Variants in EHMT1 observed in about 807,000 individuals in gnomAD.
EHMT1 encodes the protein euchromatic histone lysine methyltransferase 1.
Under a neutral mutation model 147.2 loss-of-function variants are expected in EHMT1, and 15 were observed. That is an observed-to-expected ratio of 0.10 (90% CI 0.07 to 0.16). EHMT1 has a LOEUF of 0.16. Among genes scored for constraint, EHMT1 ranks in the 10% least tolerant of loss-of-function variants. The pLI is 1.00. For synonymous variants in EHMT1, 795 were observed against 709.6 expected, an observed-to-expected ratio of 1.12 and a Z score of -1.91; for missense variants, 1,587 against 1,772.4, an observed-to-expected ratio of 0.90 and a Z score of 1.88.
At chr9:137,738,286 G>A (rs1022445138) in intron 4 of EHMT1, among the ~76,000 whole-genome samples, 8 of 151,900 alleles carry the variant, frequency 5.3e-5, no homozygotes, top group African/African-American at 1.7e-4. Context: ...TGCACAAATG[G>A]CCAGTAAGCC....
chr9:137,657,498 CT>C (rs545345887), intron 1 of EHMT1, among the ~76,000 whole-genome samples: 1,479 of 125,908 alleles, frequency 0.012, 13 homozygotes, highest in African/African-American at 0.031. Context: ...CACCTGGTTG[CT>C]TTTTTTTTTT....
In EHMT1 at chr9:137,776,419, CTGTGGGGCGAGA is replaced by C. The variant is rs1950961511; in HGVS notation, c.1792-198_1792-187del. The C allele has an allele frequency of 7.2e-6, 4 of 553,046 alleles. No individual in the cohort carries two copies. In the South Asian group the frequency reaches 7.9e-5, roughly 11 times the overall value. 34.3% of individuals were successfully genotyped at this position (553,046 alleles called of 1,614,324 possible). ...CCTCTGTCTGGCTTCAGCTTCTTCT[CTGTGGGGCGAGA>C]GCACCACGGGAAGCATCGTTCCTCC... On this transcript the variant is annotated intron_variant, in intron 11 of 26. Transcript: ENST00000460843. This position sits in a 1 kb window ranked among gnomAD's most constrained non-coding sequence, Gnocchi z 4.4.
At chr9:137,788,783 G>A (rs1371523969) in intron 15 of EHMT1, 1 of 152,216 alleles carries the variant, frequency 6.6e-6, no homozygotes, top group Admixed American at 6.5e-5. Context: ...CGGAGGGTGA[G>A]CGGCCGGCGG....
chr9:137,675,845 G>A lies in EHMT1; in HGVS notation c.22-35122G>A, dbSNP rs1326924270. Among the ~76,000 whole-genome samples, 148 of 136,190 alleles carry A rather than the reference G, an allele frequency of 1.1e-3. 2 individuals are homozygous for A. Among genetic ancestry groups the A allele is most frequent in the African/African-American group, 4.1e-3 (141 of 34,710 alleles). 89.3% of individuals were successfully genotyped at this position (136,190 alleles called of 152,430 possible). A position where few individuals can be genotyped will look rare whatever the true frequency, so the allele number is the denominator to read the frequency against. On this transcript the variant is annotated intron_variant, in intron 1 of 26. Transcript: ENST00000460843. ...GTCGCCCAGGCTGGAGTGCAGTGGC[G>A]GGATCTCGGCTCACTGCAAGCTCCG... is the stretch of plus-strand genomic sequence containing the variant.
intron 2 of EHMT1, chr9:137,715,748 C>G: frequency 1.0e-6 from 1 of 985,390 alleles, no homozygotes; most frequent in Non-Finnish European, 1.2e-6. Flanking sequence ...GAGCAGACCA[C>G]GGATGTGCTC....
chr9:137,803,728 G>A (rs1953692059), intron 18 of EHMT1, among the ~76,000 whole-genome samples: 2 of 151,924 alleles, frequency 1.3e-5, no homozygotes, highest in Admixed American at 1.3e-4. Context: ...ACACACACCT[G>A]TGGTCCCAGG....
intron 1 of EHMT1, among the ~76,000 whole-genome samples, chr9:137,695,110 G>T (rs1943290009): frequency 6.6e-6 from 1 of 152,232 alleles, no homozygotes. Flanking sequence ...TGGGGTTTTT[G>T]CAGGCAGGTG....
At chr9:137,710,859 CA>C (rs1408315670) in intron 1 of EHMT1, 107 bp from the exon 2 acceptor site, 11 of 1,251,628 alleles carry the variant, frequency 8.8e-6, no homozygotes, top group African/African-American at 1.5e-5. Context: ...TCCAGCAGCT[CA>C]TGGTGAATGT....
intron 17 of EHMT1, 172 bp from the exon 18 acceptor site, chr9:137,800,708 G>A: frequency 1.6e-6 from 1 of 636,976 alleles, no homozygotes; most frequent in Non-Finnish European, 2.8e-6. Flanking sequence ...TACCTGGGCT[G>A]TGCTCTGAGG....
rs1290304098 is a variant in EHMT1, at chr9:137,835,204, A to G, written c.*251A>G. 3 of 392,200 alleles carry G rather than the reference A, an allele frequency of 7.6e-6. No homozygotes were observed. The highest frequency in any genetic ancestry group is 2.1e-5 in the African/African-American group (1 of 46,918). 24.3% of individuals were successfully genotyped at this position (392,200 alleles called of 1,614,324 possible). A position where few individuals can be genotyped will look rare whatever the true frequency, so the allele number is the denominator to read the frequency against. Reference sequence around the variant, plus strand: ...GAGCGCACACTTTGGTCCGCGCGCCAGAGACGCTGGGAGTCCGCACTGGCA... The same window carrying G: ...GAGCGCACACTTTGGTCCGCGCGCCGGAGACGCTGGGAGTCCGCACTGGCA... On this transcript the variant is annotated 3_prime_UTR_variant, in exon 27 of 27. Transcript: ENST00000460843.
chr9:137,720,777 C>T (rs929172228), intron 3 of EHMT1, among the ~76,000 whole-genome samples: 7 of 152,130 alleles, frequency 4.6e-5, no homozygotes, highest in African/African-American at 1.7e-4. Context: ...CGGCACTCAC[C>T]CGCTGAAGGA....
rs1188577875 is a variant in EHMT1, at chr9:137,786,859, CGGTGCTG to C, written c.2383-3986_2383-3980del. 1.3e-5 allele frequency: 2 copies of C among 152,478 alleles called. No homozygotes were observed. The highest frequency in any genetic ancestry group is 4.8e-5 in the African/African-American group (2 of 41,482). The allele number at this position is 152,478 out of a possible 1,614,324, so 9.4% of individuals were successfully genotyped here. Reference sequence around the variant, plus strand: ...CCTGGAGTCCACCCCAGCCTTTCGCCGGTGCTGGGGACATCAGCGTTCTGGCTCCCAG... The same window carrying C: ...CCTGGAGTCCACCCCAGCCTTTCGCCGGGACATCAGCGTTCTGGCTCCCAG... On this transcript the variant is annotated intron_variant, in intron 15 of 26. Coordinates refer to ENST00000460843, the MANE Select transcript of EHMT1 (RefSeq NM_024757.5). The surrounding 1 kb of genome is among the most constrained non-coding windows in gnomAD (Gnocchi z 4.3).
rs1588798032 is a variant in EHMT1, at chr9:137,803,154, C to T, written c.2712+2170C>T. The T allele has an allele frequency of 4.1e-6, 5 of 1,226,490 alleles. No individual in the cohort carries two copies. The East Asian group carries it at 9.6e-5, about 23-fold the overall frequency. The allele number at this position is 1,226,490 out of a possible 1,614,324, so 76.0% of individuals were successfully genotyped here. A position where few individuals can be genotyped will look rare whatever the true frequency, so the allele number is the denominator to read the frequency against. On this transcript the variant is annotated intron_variant, in intron 18 of 26. Transcript: ENST00000460843. ...GCTCTCTGATGCTGGTGGCTGTTCC[C>T]CCAGAATGGAAGCATTGATTAAATT...
intron 18 of EHMT1, chr9:137,803,406 G>A (rs1176030902): frequency 1.6e-6 from 1 of 643,456 alleles, no homozygotes; most frequent in Non-Finnish European, 1.9e-6. Flanking sequence ...ACCCATTGCT[G>A]GGCTTTCTGT....
At chr9:137,811,435 C>G in intron 18 of EHMT1, 26 bp from the exon 19 acceptor site, 1 of 1,611,498 alleles carries the variant, frequency 6.2e-7, no homozygotes, top group South Asian at 1.1e-5. Context: ...GAAGCCTGCA[C>G]TGAGCTCTGG....
intron 1 of EHMT1, among the ~76,000 whole-genome samples, chr9:137,708,192 C>G (rs913093532): frequency 1.3e-5 from 2 of 152,234 alleles, no homozygotes; most frequent in South Asian, 2.1e-4. Flanking sequence ...TGGTCCATCT[C>G]TGTCATGTCT....
chr9:137,699,674 C>CAAAAAAAAAAAAAAAA, intron 1 of EHMT1, among the ~76,000 whole-genome samples: 1 of 130,032 alleles, frequency 7.7e-6, no homozygotes, highest in South Asian at 2.4e-4. Context: ...GACTCTGTCT[C>CAAAAAAAAAAAAAAAA]AAAAAAAAAA....
chr9:137,647,512 T>G (rs1181001362), intron 1 of EHMT1, among the ~76,000 whole-genome samples: 2 of 152,014 alleles, frequency 1.3e-5, no homozygotes, highest in Non-Finnish European at 2.9e-5. Context: ...GCCCCTGTGC[T>G]CTCTGCTCAG....
chr9:137,773,308 T>TTGG (rs1195995110), intron 10 of EHMT1, among the ~76,000 whole-genome samples: 1 of 151,908 alleles, frequency 6.6e-6, no homozygotes, highest in African/African-American at 2.4e-5. Flanking sequence ...GCAGAAGCAT[T>TTGG]TGGTGGTGGT....
Sources: gnomAD v4.1 joint callset for allele counts (sites outside exome capture counted in the v4.1 genomes callset) on GRCh38, gnomAD v4.1.1 for gene constraint, Gnocchi (gnomAD v3.1) non-coding constraint, MANE v1.5 for transcripts, NCBI Gene and HGNC (gene_info 2026-07-23, HGNC 2026-07-21) for gene names.